Variants in DLGAP1 observed in about 807,000 individuals in gnomAD.
DLGAP1 encodes disks large-associated protein 1.
Under a neutral mutation model 90.8 loss-of-function variants are expected in DLGAP1, and 11 were observed. The observed-to-expected ratio is 0.12, with a 90% CI of 0.08 to 0.20. DLGAP1 has a LOEUF of 0.20. DLGAP1 is among the 10% of genes least tolerant of loss of function. DLGAP1 has a pLI of 1.00. For synonymous variants in DLGAP1, 558 were observed against 540.7 expected, an observed-to-expected ratio of 1.03 and a Z score of -0.44; for missense variants, 1,050 against 1,333.8, an observed-to-expected ratio of 0.79 and a Z score of 3.31.
chr18:3,841,474 T>TA (rs1262247450), intron 4 of DLGAP1, among the ~76,000 whole-genome samples: 2 of 152,200 alleles, frequency 1.3e-5, no homozygotes, highest in Non-Finnish European at 2.9e-5. Context: ...ATTAAGGATT[T>TA]AAAAAATGAT....
In DLGAP1 at chr18:4,002,268, T is replaced by G. The variant is rs940876744; in HGVS notation, c.-73+2848A>C. On this transcript the variant is annotated intron_variant, in intron 3 of 12. Transcript: ENST00000315677. ...TTTAGTCTATTTCTGTTGTACTTTA[T>G]TAGTAAGCATCTACCTGCCTGTCTA... 5.3e-5 allele frequency among the ~76,000 whole-genome samples: 8 copies of G among 150,116 alleles called. No homozygotes were observed. In the South Asian group the frequency reaches 6.4e-4, roughly 12 times the overall value.
intron 3 of DLGAP1, among the ~76,000 whole-genome samples, chr18:3,993,816 T>C (rs2074015935): frequency 6.6e-6 from 1 of 152,158 alleles, no homozygotes; most frequent in Non-Finnish European, 1.5e-5. Flanking sequence ...GTGCAGCATC[T>C]TTTAAGTGGG....
chr18:4,412,076 G>A lies in DLGAP1; in HGVS notation c.-267+42930C>T, dbSNP rs906621631. Reference sequence around the variant, plus strand: ...TAACTACTACAGTCTCCTTAGTATCGTGTAAAGATACTCATTTCCTATAGT... The same window carrying A: ...TAACTACTACAGTCTCCTTAGTATCATGTAAAGATACTCATTTCCTATAGT... On this transcript the variant is annotated intron_variant, in intron 1 of 12. Transcript: ENST00000315677. Among the ~76,000 whole-genome samples, 5 of 152,110 alleles carry A rather than the reference G, an allele frequency of 3.3e-5. No individual in the cohort carries two copies. The South Asian group carries it at 6.2e-4, about 19-fold the overall frequency.
In DLGAP1 at chr18:4,213,146, C is replaced by T. The variant is rs530764221; in HGVS notation, c.-266-61859G>A. Among the ~76,000 whole-genome samples the T allele has an allele frequency of 8.5e-5, 13 of 152,222 alleles. No individual in the cohort carries two copies. The South Asian group carries it at 1.0e-3, about 12-fold the overall frequency. ...AAGATTAATGAGATACAGTCTCTGC[C>T]GTTCCTTGAAGCAGATGCCAAAGCA... On this transcript the variant is annotated intron_variant, in intron 1 of 12. Transcript: ENST00000315677.
intron 2 of DLGAP1, among the ~76,000 whole-genome samples, chr18:4,082,145 A>T (rs2075617278): frequency 6.6e-6 from 1 of 152,074 alleles, no homozygotes; most frequent in Non-Finnish European, 1.5e-5. Flanking sequence ...GTTCAAGACC[A>T]GCCTGGGCAA....
chr18:3,808,212 G>C (rs550717671), intron 5 of DLGAP1, among the ~76,000 whole-genome samples: 1 of 152,326 alleles, frequency 6.6e-6, no homozygotes, highest in Admixed American at 6.5e-5. Context: ...CTGTGAGCAA[G>C]AATGACTTTC....
intron 2 of DLGAP1, among the ~76,000 whole-genome samples, chr18:4,109,877 T>G (rs1005042751): frequency 6.6e-6 from 1 of 152,164 alleles, no homozygotes; most frequent in African/African-American, 2.4e-5. Context: ...CTAGGTGTTT[T>G]TTTGTTTGTT....
intron 3 of DLGAP1, chr18:3,894,600 T>G (rs1225087043): frequency 6.6e-6 from 1 of 152,258 alleles, no homozygotes; most frequent in Non-Finnish European, 1.5e-5. Flanking sequence ...GTAGTATAAT[T>G]TGAAGTCGGG....
At chr18:4,449,197 A>G (rs1179711810) in intron 1 of DLGAP1, among the ~76,000 whole-genome samples, 1 of 152,240 alleles carries the variant, frequency 6.6e-6, no homozygotes, top group Non-Finnish European at 1.5e-5. Context: ...ATAAAGTAAG[A>G]CAATTAATCT....
rs186365481 is a variant in DLGAP1, at chr18:4,144,392, C to T, written c.-159+6788G>A. ...TGCTTTCCACTGTGAGAGGGCAGCACTGAGTTCCTATACAAAAAGTCCCAC... is the reference window on the plus strand; with the variant it reads ...TGCTTTCCACTGTGAGAGGGCAGCATTGAGTTCCTATACAAAAAGTCCCAC... On this transcript the variant is annotated intron_variant, in intron 2 of 12. Transcript: ENST00000315677. Among the ~76,000 whole-genome samples, 3 of 152,304 alleles carry T rather than the reference C, an allele frequency of 2.0e-5. No homozygotes were observed. In the East Asian group the frequency reaches 5.8e-4, roughly 29 times the overall value.
chr18:3,524,945 C>G, intron 10 of DLGAP1, among the ~76,000 whole-genome samples: 1 of 152,204 alleles, frequency 6.6e-6, no homozygotes, highest in East Asian at 1.9e-4. Context: ...TCCTGACTGG[C>G]AGTTGCTGAT....
chr18:3,732,233 C>T (rs117070733), intron 6 of DLGAP1, among the ~76,000 whole-genome samples: 40 of 152,264 alleles, frequency 2.6e-4, no homozygotes, highest in Non-Finnish European at 4.9e-4. Context: ...GAGATTTGAT[C>T]AGCTTCAGGT....
intron 2 of DLGAP1, among the ~76,000 whole-genome samples, chr18:4,124,266 AC>A (rs1411430664): frequency 1.3e-5 from 2 of 152,140 alleles, no homozygotes; most frequent in Admixed American, 1.3e-4. Flanking sequence ...CTCAGCCAGG[AC>A]CCTAGAAGGA....
chr18:4,166,481 C>T (rs530968985), intron 1 of DLGAP1, among the ~76,000 whole-genome samples: 1 of 152,286 alleles, frequency 6.6e-6, no homozygotes, highest in African/African-American at 2.4e-5. Flanking sequence ...ATTGCTTGAA[C>T]ATGGGAGACG....
At chr18:4,339,479 A>G (rs1336057387) in intron 1 of DLGAP1, among the ~76,000 whole-genome samples, 1 of 152,208 alleles carries the variant, frequency 6.6e-6, no homozygotes, top group Non-Finnish European at 1.5e-5. Context: ...TGGAACTTAG[A>G]ATAAAATAAA....
intron 3 of DLGAP1, among the ~76,000 whole-genome samples, chr18:3,935,958 T>C (rs1258045792): frequency 3.3e-5 from 5 of 152,206 alleles, no homozygotes; most frequent in African/African-American, 1.2e-4. Flanking sequence ...AAACCCCCAA[T>C]GTTGGCTTCC....
At chr18:4,018,612 A>G (rs1010288960) in intron 2 of DLGAP1, among the ~76,000 whole-genome samples, 3 of 152,262 alleles carry the variant, frequency 2.0e-5, no homozygotes, top group African/African-American at 4.8e-5. Context: ...AAGGACATTT[A>G]ACAAATATTT....
intron 2 of DLGAP1, among the ~76,000 whole-genome samples, chr18:4,029,930 A>G (rs2074766176): frequency 6.6e-6 from 1 of 152,134 alleles, no homozygotes; most frequent in East Asian, 1.9e-4. Flanking sequence ...TACAGCATTG[A>G]TCACCTTCTC....
chr18:4,149,998 T>G (rs746758505), intron 2 of DLGAP1, among the ~76,000 whole-genome samples: 2 of 152,214 alleles, frequency 1.3e-5, no homozygotes, highest in Non-Finnish European at 2.9e-5. Context: ...GTAAACCTCC[T>G]GCTGCACATC....
Sources: gnomAD v4.1 joint callset for allele counts (sites outside exome capture counted in the v4.1 genomes callset) on GRCh38, gnomAD v4.1.1 for gene constraint, MANE v1.5 for transcripts, NCBI Gene and HGNC (gene_info 2026-07-23, HGNC 2026-07-21) for gene names.